Variants in C22orf15 observed in about 807,000 individuals in gnomAD.
The protein encoded by C22orf15 is uncharacterized protein C22orf15.
A neutral mutation model predicts 20.3 loss-of-function variants in C22orf15; 21 were observed. The observed-to-expected ratio is 1.04, with a 90% CI of 0.74 to 1.49. C22orf15 has a LOEUF of 1.49. Among genes scored for constraint, C22orf15 ranks in the 40% most tolerant of loss-of-function variants. The probability of loss-of-function intolerance (pLI) is 0.00; values close to 1 mark genes in which losing one functional copy is unlikely to be tolerated. For synonymous variants in C22orf15, 78 were observed against 75.4 expected, an observed-to-expected ratio of 1.03 and a Z score of -0.18; for missense variants, 170 against 191.1, an observed-to-expected ratio of 0.89 and a Z score of 0.65.
chr22:23,764,406 G>T lies in C22orf15; in HGVS notation c.250+9G>T, dbSNP rs1290376406. The T allele has an allele frequency of 6.4e-7, 1 of 1,569,818 alleles. No homozygotes were observed. Among genetic ancestry groups the T allele is most frequent in the East Asian group, 2.4e-5 (1 of 41,856 alleles). ...CCTCGTTCGGATCATCAGTAAGGTGGCCCAAGGTTCTCTCCCCTGCAGCTA... is the reference window on the plus strand; with the variant it reads ...CCTCGTTCGGATCATCAGTAAGGTGTCCCAAGGTTCTCTCCCCTGCAGCTA... On this transcript the variant is annotated intron_variant, in intron 3 of 5. Transcript: ENST00000402217.
intron 5 of C22orf15, chr22:23,765,436 T>G: frequency 9.7e-6 from 15 of 1,550,922 alleles, no homozygotes; most frequent in Non-Finnish European, 1.3e-5. Flanking sequence ...TGCTGAGAAG[T>G]TGCATCAGCA....
rs202059299 is a variant in C22orf15, at chr22:23,764,233, G to T, written c.113-27G>T. 705 of 1,551,560 alleles carry T rather than the reference G, an allele frequency of 4.5e-4. 1 individual carries two copies. Among genetic ancestry groups the T allele is most frequent in the South Asian group, 1.1e-3 (94 of 84,058 alleles). ...GGTCCCAGGCAGGGGTGCCAGCCCTGCCCAGTCTCTCTCCATGTCCTCCCA... is the reference window on the plus strand; with the variant it reads ...GGTCCCAGGCAGGGGTGCCAGCCCTTCCCAGTCTCTCTCCATGTCCTCCCA... On this transcript the variant is annotated intron_variant, in intron 2 of 5. Transcript: ENST00000402217.
Position 23,764,285 on chromosome 22 carries a change from T to C in C22orf15, c.138T>C (p.Asp46=), listed in dbSNP as rs2145917834. Residue 46 remains aspartate (D), a synonymous_variant, in exon 3 of 6, where the codon GAT becomes GAC. Transcript: ENST00000402217. ...CGACCATTGCTCTCCTGGCTGAGGATGGCAACCTAGTGAGCCTGGAGGAGG... is the reference window on the plus strand; with the variant it reads ...CGACCATTGCTCTCCTGGCTGAGGACGGCAACCTAGTGAGCCTGGAGGAGG... ...PDATIALLAE[D]GNLVSLEEDL... 1 of 1,551,636 alleles carries C rather than the reference T, an allele frequency of 6.4e-7. No individual in the cohort carries two copies. Among genetic ancestry groups the C allele is most frequent in the Non-Finnish European group, 8.7e-7 (1 of 1,146,970 alleles).
chr22:23,765,807 GGCCATC>G lies in C22orf15; in HGVS notation c.*77_*82del, dbSNP rs1401320572. On this transcript the variant is annotated 3_prime_UTR_variant, in exon 6 of 6. Transcript: ENST00000402217. ...TCAGCCAGGGAGCTCCCTGAAGACA[GGCCATC>G]GAGAGAGGCACACAACAGGCTGTGG... 2 of 1,538,562 alleles carry G rather than the reference GGCCATC, an allele frequency of 1.3e-6. No individual in the cohort carries two copies. Among genetic ancestry groups the G allele is most frequent in the African/African-American group, 2.8e-5 (2 of 72,676 alleles).
Position 23,764,718 on chromosome 22 carries a change from G to C in C22orf15, c.325+5G>C. On this transcript the variant is annotated splice_donor_5th_base_variant and intron_variant, in intron 4 of 5. Coordinates refer to ENST00000402217, the MANE Select transcript of C22orf15 (RefSeq NM_182520.3). The stretch of plus-strand genomic sequence containing the variant: ...ACCATTACCCAGAGCTGGCAGGTGA[G>C]TGTCAGGGTACAGCCCAGGGGGAGG... 6.2e-7 allele frequency: 1 copy of C among 1,614,196 alleles called. No homozygotes were observed. The highest frequency in any genetic ancestry group is 8.5e-7 in the Non-Finnish European group (1 of 1,180,020).
At position 23,764,229 on chromosome 22, in the gene C22orf15, C is replaced by G. The variant is rs554608942; in HGVS notation, c.113-31C>G. ...GAGGGGTCCCAGGCAGGGGTGCCAG[C>G]CCTGCCCAGTCTCTCTCCATGTCCT... On this transcript the variant is annotated intron_variant, in intron 2 of 5. Coordinates refer to ENST00000402217, the MANE Select transcript of C22orf15 (RefSeq NM_182520.3). The G allele has an allele frequency of 3.9e-6, 6 of 1,551,544 alleles. No individual in the cohort carries two copies. The South Asian group carries it at 7.1e-5, about 18-fold the overall frequency.
Position 23,763,261 on chromosome 22 carries a change from A to G in C22orf15, c.-46A>G. 6.5e-7 allele frequency: 1 copy of G among 1,549,344 alleles called. No individual in the cohort carries two copies. Among genetic ancestry groups the G allele is most frequent in the East Asian group, 2.5e-5 (1 of 40,738 alleles). The stretch of plus-strand genomic sequence containing the variant: ...GCTTTTCCTTAGTTGGGGAATCGAG[A>G]GTTGGGGGATCAAAGCCCCCCACAT... On this transcript the variant is annotated 5_prime_UTR_variant, in exon 1 of 6. Transcript: ENST00000402217.
At chr22:23,763,361 G>A (rs1361975969) in intron 1 of C22orf15, 30 bp downstream of exon 1, 1 of 1,544,454 alleles carries the variant, frequency 6.5e-7, no homozygotes, top group Admixed American at 2.0e-5. Context: ...TTGGTAGGCG[G>A]ATAGGGGGAT....
intron 5 of C22orf15, 48 bp from the exon 6 acceptor site, chr22:23,765,673 G>C: frequency 6.5e-7 from 1 of 1,535,250 alleles, no homozygotes. Context: ...AATCTGTCCT[G>C]TGCTACCCAC....
chr22:23,763,955 C>A, intron 1 of C22orf15, 132 bp from the exon 2 acceptor site: 1 of 808,634 alleles, frequency 1.2e-6, no homozygotes, highest in South Asian at 1.7e-5. Flanking sequence ...AGCTGTTATG[C>A]CCGGGGCACA....
At position 23,764,222 on chromosome 22, in the gene C22orf15, G is replaced by A. The variant is rs181949101; in HGVS notation, c.113-38G>A. The stretch of plus-strand genomic sequence containing the variant: ...AGGGGCTGAGGGGTCCCAGGCAGGG[G>A]TGCCAGCCCTGCCCAGTCTCTCTCC... On this transcript the variant is annotated intron_variant, in intron 2 of 5. Transcript: ENST00000402217. 3.1e-3 allele frequency: 4,785 copies of A among 1,551,482 alleles called. 9 individuals carry two copies. The highest frequency in any genetic ancestry group is 3.9e-3 in the Non-Finnish European group (4,501 of 1,146,872).
intron 1 of C22orf15, 136 bp downstream of exon 1, chr22:23,763,467 G>T: frequency 2.0e-6 from 2 of 1,018,196 alleles, no homozygotes; most frequent in South Asian, 1.7e-5. Context: ...GGTCGTCGGG[G>T]AAGCGGCTCT....
In C22orf15 at chr22:23,764,413, G is replaced by A. The variant is rs758961216; in HGVS notation, c.250+16G>A. 26 of 1,576,502 alleles carry A rather than the reference G, an allele frequency of 1.6e-5. No individual in the cohort carries two copies. The highest frequency in any genetic ancestry group is 2.7e-5 in the African/African-American group (2 of 73,652). ...CGGATCATCAGTAAGGTGGCCCAAG[G>A]TTCTCTCCCCTGCAGCTATGGTAGA... On this transcript the variant is annotated intron_variant, in intron 3 of 5. Transcript: ENST00000402217.
Position 23,765,706 on chromosome 22 carries a change from C to A in C22orf15, c.436-15C>A. 5 of 1,548,472 alleles carry A rather than the reference C, an allele frequency of 3.2e-6. No homozygotes were observed. Among genetic ancestry groups the A allele is most frequent in the Admixed American group, 2.0e-5 (1 of 50,806 alleles). ...CACAGTGCAGATTGCAACAGGGCTC[C>A]TCCTCCCCACCCAGGGCCCTGATTA... On this transcript the variant is annotated splice_polypyrimidine_tract_variant and intron_variant, in intron 5 of 5. Coordinates refer to ENST00000402217, the MANE Select transcript of C22orf15 (RefSeq NM_182520.3).
rs1284167656 is a variant in C22orf15 at position 23,764,235 on chromosome 22, C to T, written c.113-25C>T. Reference sequence around the variant, plus strand: ...TCCCAGGCAGGGGTGCCAGCCCTGCCCAGTCTCTCTCCATGTCCTCCCAGC... The same window carrying T: ...TCCCAGGCAGGGGTGCCAGCCCTGCTCAGTCTCTCTCCATGTCCTCCCAGC... On this transcript the variant is annotated intron_variant, in intron 2 of 5. Transcript: ENST00000402217. 2 of 1,551,570 alleles carry T rather than the reference C, an allele frequency of 1.3e-6. 1 individual carries two copies. The highest frequency in any genetic ancestry group is 3.3e-4 in the Middle Eastern group (2 of 5,988).
chr22:23,765,575 G>A, intron 5 of C22orf15, 146 bp from the exon 6 acceptor site: 1 of 1,524,010 alleles, frequency 6.6e-7, no homozygotes, highest in South Asian at 1.3e-5. Context: ...GGGAGACCAT[G>A]GGTTCATCCT....
intron 5 of C22orf15, 110 bp from the exon 6 acceptor site, chr22:23,765,610 GC>G: frequency 1.3e-6 from 2 of 1,512,526 alleles, no homozygotes; most frequent in Non-Finnish European, 1.8e-6. Context: ...AGAGTCAGAT[GC>G]CCTTGGGATC....
chr22:23,764,912 C>T lies in C22orf15; in HGVS notation c.435+10C>T. 3 of 1,604,020 alleles carry T rather than the reference C, an allele frequency of 1.9e-6. No individual in the cohort carries two copies. Among genetic ancestry groups the T allele is most frequent in the Non-Finnish European group, 8.5e-7 (1 of 1,173,960 alleles). Reference sequence around the variant, plus strand: ...TTCAAGGCCCAGAAAGGTGAGCTCCCTGCCACCCAGGAGTTGCTAGCTGGG... The same window carrying T: ...TTCAAGGCCCAGAAAGGTGAGCTCCTTGCCACCCAGGAGTTGCTAGCTGGG... On this transcript the variant is annotated intron_variant, in intron 5 of 5. Coordinates refer to ENST00000402217, the MANE Select transcript of C22orf15 (RefSeq NM_182520.3).
chr22:23,765,025 G>A, intron 5 of C22orf15, 123 bp downstream of exon 5: 14 of 1,501,922 alleles, frequency 9.3e-6, no homozygotes, highest in Non-Finnish European at 1.2e-5. Context: ...CATATGATGA[G>A]GGGCAGACCC....
Sources: allele counts gnomAD v4.1 joint callset, GRCh38; gene constraint gnomAD v4.1.1; transcripts MANE v1.5; gene names NCBI Gene and HGNC (gene_info 2026-07-23, HGNC 2026-07-21).